The following SMPD4 variants were observed in gnomAD, a reference collection of about 807,000 sequenced individuals.
The protein encoded by SMPD4 is sphingomyelin phosphodiesterase 4.
Under a neutral mutation model 97.8 loss-of-function variants are expected in SMPD4, and 58 were observed. The ratio of observed to expected loss-of-function variants is 0.59; its 90% confidence interval spans 0.48 to 0.74. SMPD4 has a LOEUF of 0.74. Among genes scored for constraint, SMPD4 ranks in the 30% least tolerant of loss-of-function variants. SMPD4 has a pLI of 0.00. For synonymous variants in SMPD4, 388 were observed against 450.0 expected (o/e 0.86, Z 1.74); for missense variants, 853 against 1,080.5 (o/e 0.79, Z 2.95).
At chr2:130,170,458 CAAAA>C (rs556058599) in intron 8 of SMPD4, among the ~76,000 whole-genome samples, 1 of 64,674 alleles carries the variant, frequency 1.5e-5, no homozygotes, top group Admixed American at 2.0e-4. Context: ...AAGACCCTGT[CAAAA>C]AAAAAAAAAA....
chr2:130,156,930 A>AT lies in SMPD4; in HGVS notation c.1098-256_1098-255insA. On this transcript the variant is annotated intron_variant, in intron 12 of 19. Transcript: ENST00000680298. ...ACACCTCACCCTCCGTCCCATACAA[A>AT]CAGCCCACTCTGCTGGCCCTGGTGG... is the stretch of plus-strand genomic sequence containing the variant. 4 of 1,024,480 alleles carry AT rather than the reference A, an allele frequency of 3.9e-6. No homozygotes were observed. The South Asian group carries it at 6.3e-5, about 16-fold the overall frequency. 63.5% of individuals were successfully genotyped at this position (1,024,480 alleles called of 1,614,324 possible).
At chr2:130,172,722 C>A (rs564846514) in intron 6 of SMPD4, 45 bp from the exon 7 acceptor site, 37 of 1,613,916 alleles carry the variant, frequency 2.3e-5, no homozygotes, top group Non-Finnish European at 1.7e-6. Flanking sequence ...GATGAGCCAC[C>A]CCCCGCTCAG....
At chr2:130,161,375 C>T (rs1687395037) in intron 10 of SMPD4, 103 bp from the exon 11 acceptor site, 8 of 858,542 alleles carry the variant, frequency 9.3e-6, no homozygotes, top group African/African-American at 5.0e-5. Flanking sequence ...GAGGGGGAAG[C>T]GGAGAGAGAA....
Position 130,173,342 on chromosome 2 carries a change from C to A in SMPD4, c.282G>T (p.Met94Ile). Residue 94 changes from methionine to isoleucine, a missense_variant, in exon 5 of 20, where the codon ATG becomes ATT. Around this residue, in one of 3 missense-constraint regions of SMPD4, gnomAD observed 313 missense variants for 402.2 expected, o/e 0.78. Coordinates refer to ENST00000680298, the MANE Select transcript of SMPD4 (RefSeq NM_017951.5). Reference protein sequence around the residue: ...MEFLDPGGPMMKLVYKLQAED... With the variant: ...MEFLDPGGPMIKLVYKLQAED... The stretch of plus-strand genomic sequence containing the variant: ...CAGCTTGAAGCTTATAAACCAACTT[C>A]ATCATTGGGCCACTGAACACGAAAT... 1 of 1,612,960 alleles carries A rather than the reference C, an allele frequency of 6.2e-7. No individual in the cohort carries two copies. The highest frequency in any genetic ancestry group is 8.5e-7 in the Non-Finnish European group (1 of 1,179,664).
At chr2:130,159,056 G>A (rs576386941) in intron 11 of SMPD4, among the ~76,000 whole-genome samples, 4 of 152,182 alleles carry the variant, frequency 2.6e-5, no homozygotes, top group East Asian at 3.9e-4. Flanking sequence ...CTGTAGTGTC[G>A]TGGTCTCGGC....
chr2:130,181,161 AGGGGAAG>A (rs1689566499), intron 1 of SMPD4: 2 of 698,728 alleles, frequency 2.9e-6, no homozygotes, highest in African/African-American at 3.8e-5. Flanking sequence ...TGGAGCACAC[AGGGGAAG>A]GGTCGAGCTG....
rs1195041698 is a variant in SMPD4, at chr2:130,156,639, G to A, written c.1134C>T (p.Tyr378=). Residue 378 remains tyrosine (Y), a synonymous_variant, in exon 13 of 20, where the codon TAC becomes TAT. Transcript: ENST00000680298. ...AVPRFVQQKL[Y]LFLQHCFGHW... ...GGCCAAAGCAATGCTGCAAGAAGAGGTAGAGTTTCTGCTGGACGAACCTCG... is the reference window on the plus strand; with the variant it reads ...GGCCAAAGCAATGCTGCAAGAAGAGATAGAGTTTCTGCTGGACGAACCTCG... 6.2e-7 allele frequency: 1 copy of A among 1,613,828 alleles called. No individual in the cohort carries two copies. Among genetic ancestry groups the A allele is most frequent in the Non-Finnish European group, 8.5e-7 (1 of 1,179,952 alleles).
intron 12 of SMPD4, chr2:130,156,935 C>G: frequency 9.8e-7 from 1 of 1,015,948 alleles, no homozygotes; most frequent in Non-Finnish European, 1.5e-6. Context: ...TACAAACAGC[C>G]CACTCTGCTG....
chr2:130,164,635 A>C (rs1687749333), intron 9 of SMPD4, among the ~76,000 whole-genome samples, 190 bp from the exon 10 acceptor site: 1 of 152,198 alleles, frequency 6.6e-6, no homozygotes, highest in African/African-American at 2.4e-5. Context: ...CCTGAGGATA[A>C]GCACTAAAAC....
At chr2:130,163,503 T>G (rs373801829) in intron 10 of SMPD4, among the ~76,000 whole-genome samples, 3,978 of 152,272 alleles carry the variant, frequency 0.026, 174 homozygotes, top group African/African-American at 0.091. Context: ...TTCTGAAGTT[T>G]AACTCCATCA....
chr2:130,152,506 G>T lies in SMPD4; in HGVS notation c.*49C>A. ...CCCAGGTCCTCTCAGCCCAAGGGTG[G>T]GGCTGTGTGGCAAATCCCTCCAGCC... On this transcript the variant is annotated 3_prime_UTR_variant, in exon 20 of 20. Coordinates refer to ENST00000680298, the MANE Select transcript of SMPD4 (RefSeq NM_017951.5). 1 of 1,497,406 alleles carries T rather than the reference G, an allele frequency of 6.7e-7. No homozygotes were observed. The highest frequency in any genetic ancestry group is 1.3e-5 in the South Asian group (1 of 77,326). 92.8% of individuals were successfully genotyped at this position (1,497,406 alleles called of 1,614,324 possible).
chr2:130,167,461 G>T lies in SMPD4; in HGVS notation c.789C>A (p.Leu263=). 6.2e-7 allele frequency: 1 copy of T among 1,613,286 alleles called. No individual in the cohort carries two copies. Among genetic ancestry groups the T allele is most frequent in the Non-Finnish European group, 8.5e-7 (1 of 1,179,776 alleles). Residue 263 remains leucine, a synonymous_variant, in exon 9 of 20, where the codon CTC becomes CTA. Transcript: ENST00000680298. ...TTTTGACCAGCTCAACTCTCACCTG[G>T]AGCAGAGTTTCTGACCTCCAGATCT... The part of the protein sequence containing the change: ...SHEIWRSETL[L]QVFVEMWLHH...
upstream of SMPD4, chr2:130,181,705 G>C (rs539280409): frequency 3.3e-5 from 51 of 1,548,500 alleles, 1 homozygote; most frequent in South Asian, 5.3e-4. Context: ...AGGCCGGCCG[G>C]GCGGGGAAGA....
chr2:130,155,689 C>T (rs574060286), intron 14 of SMPD4, among the ~76,000 whole-genome samples: 1 of 152,094 alleles, frequency 6.6e-6, no homozygotes, highest in South Asian at 2.1e-4. Context: ...AAGACAGCCT[C>T]CCTCATCCCC....
At chr2:130,154,685 C>T in intron 15 of SMPD4, 1 of 637,950 alleles carries the variant, frequency 1.6e-6, no homozygotes, top group South Asian at 1.8e-5. Context: ...GCTCACAGAG[C>T]CCCTAGCAGT....
In SMPD4 at chr2:130,154,193, C is replaced by T. The variant is rs917115828; in HGVS notation, c.1659+84G>A. The stretch of plus-strand genomic sequence containing the variant: ...AAATCTATACCCAGCCTCCCTCCTT[C>T]CTGCTGGATCACAGCACTTCCCGGG... On this transcript the variant is annotated intron_variant, in intron 16 of 19. Coordinates refer to ENST00000680298, the MANE Select transcript of SMPD4 (RefSeq NM_017951.5). 4.8e-6 allele frequency: 7 copies of T among 1,447,286 alleles called. No homozygotes were observed. The African/African-American group carries it at 5.7e-5, about 12-fold the overall frequency. 89.7% of individuals were successfully genotyped at this position (1,447,286 alleles called of 1,614,324 possible). A position where few individuals can be genotyped will look rare whatever the true frequency, so the allele number is the denominator to read the frequency against.
At position 130,156,074 on chromosome 2, in the gene SMPD4, G is replaced by A. The variant is rs373921950; in HGVS notation, c.1250C>T (p.Pro417Leu). The A allele has an allele frequency of 1.3e-4, 214 of 1,611,322 alleles. No homozygotes were observed. Among genetic ancestry groups the A allele is most frequent in the East Asian group, 2.7e-4 (12 of 44,872 alleles). The change falls in exon 14 of 20, where the codon CCG becomes CTG. Residue 417 changes from proline (P) to leucine (L), a missense_variant. Physicochemically the swap from Pro to Leu is moderately conservative, Grantham distance 98 (BLOSUM62 -3). Transcript: ENST00000680298. ...ACACCGGGGCTGGGAGTCGCTGCCC[G>A]GAGCCTGCTTGTCAGGCGCGTACCG... ...PWRYAPDKQA[P>L]GSDSQPRCVS...
chr2:130,154,980 C>G (rs926214365), intron 15 of SMPD4, 116 bp downstream of exon 15: 1 of 1,355,046 alleles, frequency 7.4e-7, no homozygotes, highest in Non-Finnish European at 9.9e-7. Context: ...CACCCTTTGC[C>G]GGGGCCCACT....
At chr2:130,171,492 TG>T (rs1688462544) in intron 8 of SMPD4, among the ~76,000 whole-genome samples, 1 of 152,208 alleles carries the variant, frequency 6.6e-6, no homozygotes, top group Non-Finnish European at 1.5e-5. Context: ...GCTTGGCAGC[TG>T]AATTCTGCAT....
Sources: gnomAD v4.1 joint callset for allele counts (sites outside exome capture counted in the v4.1 genomes callset) on GRCh38, gnomAD v4.1.1 for gene constraint, gnomAD v4.1.1 regional missense constraint, MANE v1.5 for transcripts, NCBI Gene and HGNC (gene_info 2026-07-23, HGNC 2026-07-21) for gene names.